BACH1: variants seen among roughly 807,000 people sequenced by gnomAD.
The protein encoded by BACH1 is BTB domain and CNC homolog 1.
Under a neutral mutation model 52.9 loss-of-function variants are expected in BACH1, and 35 were observed. That is an observed-to-expected ratio of 0.66 (90% CI 0.51 to 0.88). BACH1 has a LOEUF of 0.88. Among genes scored for constraint, BACH1 ranks in the 40% least tolerant of loss-of-function variants. BACH1 has a pLI of 0.00. For missense variants in BACH1, 808 were observed against 872.6 expected (o/e 0.93, Z 0.93); for synonymous variants, 321 against 319.6 (o/e 1.00, Z -0.05).
chr21:29,324,556 TTGTGTG>T (rs59785894), intron 2 of BACH1, among the ~76,000 whole-genome samples: 16,959 of 145,026 alleles, frequency 0.12, 1,232 homozygotes, highest in East Asian at 0.33. Context: ...TGGATGTACC[TTGTGTG>T]TGTGTGTGTG....
intron 1 of BACH1, among the ~76,000 whole-genome samples, chr21:29,309,430 A>G (rs574459717): frequency 6.6e-5 from 10 of 152,240 alleles, no homozygotes; most frequent in South Asian, 2.1e-4. Flanking sequence ...AGTTTTACCT[A>G]TTCTTCCCCC....
intron 2 of BACH1, 69 bp from the exon 3 acceptor site, chr21:29,325,990 A>G (rs1484895540): frequency 2.8e-6 from 4 of 1,417,814 alleles, no homozygotes; most frequent in Non-Finnish European, 2.8e-6. Flanking sequence ...TTCCTCTTCT[A>G]CTTATTTTGT....
intron 4 of BACH1, among the ~76,000 whole-genome samples, chr21:29,340,997 T>A (rs2089105887): frequency 6.6e-6 from 1 of 151,564 alleles, no homozygotes; most frequent in African/African-American, 2.4e-5. Flanking sequence ...AGAACTTGTA[T>A]ATAAAAATCT....
In BACH1 at chr21:29,344,637, TGTGTG is replaced by T. The variant is rs2089150081; in HGVS notation, c.*1805_*1809del. On this transcript the variant is annotated 3_prime_UTR_variant, in exon 5 of 5. Coordinates refer to ENST00000286800, the MANE Select transcript of BACH1 (RefSeq NM_001186.4). The stretch of plus-strand genomic sequence containing the variant: ...GCATCCCATACTGCAAAAGAATTTG[TGTGTG>T]TGTGTGTGTGTGTGTGTGTGTGTGT... The T allele has an allele frequency of 1.4e-4, 2 of 14,140 alleles. No homozygotes were observed. Among genetic ancestry groups the T allele is most frequent in the South Asian group, 2.2e-3 (1 of 452 alleles). The allele number at this position is 14,140 out of a possible 1,614,324, so 0.9% of individuals were successfully genotyped here.
At chr21:29,324,556 TTGTGTGTGTGTGTGTGTGTG>T (rs59785894) in intron 2 of BACH1, among the ~76,000 whole-genome samples, 34 of 145,134 alleles carry the variant, frequency 2.3e-4, no homozygotes, top group Admixed American at 5.5e-4. Flanking sequence ...TGGATGTACC[TTGTGTGTGTGTGTGTGTGTG>T]TGTGTGTGTG....
chr21:29,317,472 G>A (rs2088800775), intron 1 of BACH1, among the ~76,000 whole-genome samples: 2 of 152,202 alleles, frequency 1.3e-5, no homozygotes, highest in Admixed American at 6.5e-5. Context: ...TGGCCACAGT[G>A]TATGTGGAGG....
In BACH1 at chr21:29,327,139, GGTATC is replaced by G; in HGVS notation, c.1316_1320del (p.Gly439GlufsTer3). 2 of 1,614,244 alleles carry G rather than the reference GGTATC, an allele frequency of 1.2e-6. No individual in the cohort carries two copies. The highest frequency in any genetic ancestry group is 1.7e-6 in the Non-Finnish European group (2 of 1,180,048). On this transcript the variant is annotated frameshift_variant, in exon 3 of 5. Coordinates refer to ENST00000286800, the MANE Select transcript of BACH1 (RefSeq NM_001186.4). LOFTEE classifies it high-confidence loss of function. Reference sequence around the variant, plus strand: ...GAAACGGTCTGAGTGTCCGTGGTTAGGTATCAGGATTAGTGAGAGCCCAGAACCAG... The same window carrying G: ...GAAACGGTCTGAGTGTCCGTGGTTAGAGGATTAGTGAGAGCCCAGAACCAG...
Position 29,342,780 on chromosome 21 carries a change from G to A in BACH1, c.2158G>A (p.Gly720Arg), listed in dbSNP as rs1269749900. 1 of 1,611,788 alleles carries A rather than the reference G, an allele frequency of 6.2e-7. No homozygotes were observed. Among genetic ancestry groups the A allele is most frequent in the African/African-American group, 1.3e-5 (1 of 74,958 alleles). ...TGCGGAACAGTGTCGTCAGAGTGGTGGGATCTCAGATTTCTGTCAGCAGAT... is the reference window on the plus strand; with the variant it reads ...TGCGGAACAGTGTCGTCAGAGTGGTAGGATCTCAGATTTCTGTCAGCAGAT... ...GPAEQCRQSG[G>R]ISDFCQQMTD... Residue 720 changes from glycine to arginine, a missense_variant, in exon 5 of 5, where the codon GGG (glycine) becomes AGG (arginine). By Grantham distance (125) the Gly-to-Arg change is moderately radical. Transcript: ENST00000286800.
chr21:29,339,949 T>C (rs2089092633), intron 4 of BACH1, among the ~76,000 whole-genome samples: 1 of 152,228 alleles, frequency 6.6e-6, no homozygotes, highest in Admixed American at 6.5e-5. Flanking sequence ...AAAGATTTTT[T>C]GTTGGTATAA....
At chr21:29,327,510 A>T in intron 3 of BACH1, 117 bp downstream of exon 3, 1 of 1,362,934 alleles carries the variant, frequency 7.3e-7, no homozygotes, top group South Asian at 1.4e-5. Context: ...TGGGGAGGAA[A>T]CTCATACAAA....
chr21:29,313,826 A>G (rs2088756341), intron 1 of BACH1, among the ~76,000 whole-genome samples: 1 of 152,204 alleles, frequency 6.6e-6, no homozygotes, highest in Non-Finnish European at 1.5e-5. Flanking sequence ...GTACATGTCA[A>G]TGCCCTTGGA....
At chr21:29,305,771 A>G (rs868618750) in intron 1 of BACH1, among the ~76,000 whole-genome samples, 5 of 152,338 alleles carry the variant, frequency 3.3e-5, no homozygotes, top group Non-Finnish European at 7.4e-5. Flanking sequence ...CTTTCAGTGT[A>G]TGTGGACAGT....
At chr21:29,348,414 G>A (rs956253997), downstream of BACH1, among the ~76,000 whole-genome samples, 10 of 151,958 alleles carry the variant, frequency 6.6e-5, no homozygotes, top group Non-Finnish European at 1.0e-4. Flanking sequence ...TGCTCCCACA[G>A]CTCAGTACCT....
At chr21:29,348,924 C>G (rs1223693388), downstream of BACH1, among the ~76,000 whole-genome samples, 1 of 152,008 alleles carries the variant, frequency 6.6e-6, no homozygotes, top group Admixed American at 6.6e-5. Context: ...GAAACCCCAT[C>G]TCTACTAAAA....
intron 2 of BACH1, among the ~76,000 whole-genome samples, chr21:29,323,339 C>T (rs1454491566): frequency 6.6e-6 from 1 of 152,064 alleles, no homozygotes; most frequent in Admixed American, 6.5e-5. Flanking sequence ...CCAAAGGCCT[C>T]AAAAGTAGGG....
At chr21:29,352,490 A>ACT (rs2089208838) in intron 2 of BACH1, 2 of 152,168 alleles carry the variant, frequency 1.3e-5, no homozygotes, top group Non-Finnish European at 2.9e-5. Flanking sequence ...TAGCAAAGTA[A>ACT]GACTGACTCA....
intron 2 of BACH1, chr21:29,351,635 G>A (rs1441967415): frequency 5.6e-6 from 3 of 534,726 alleles, no homozygotes; most frequent in Non-Finnish European, 1.2e-5. Context: ...CTGTTTCAGG[G>A]TTCTGTGGAA....
chr21:29,354,124 A>T, intron 2 of BACH1, among the ~76,000 whole-genome samples: 1 of 152,224 alleles, frequency 6.6e-6, no homozygotes, highest in East Asian at 1.9e-4. Flanking sequence ...AGGCAATTGC[A>T]TATGCAAAGG....
At chr21:29,314,375 T>G (rs976385618) in intron 1 of BACH1, among the ~76,000 whole-genome samples, 2 of 152,208 alleles carry the variant, frequency 1.3e-5, no homozygotes, top group Non-Finnish European at 2.9e-5. Flanking sequence ...AGTCTATAAC[T>G]TTAACAAACT....
Sources: gnomAD v4.1 joint callset for allele counts (sites outside exome capture counted in the v4.1 genomes callset) on GRCh38, gnomAD v4.1.1 for gene constraint, MANE v1.5 for transcripts, NCBI Gene and HGNC (gene_info 2026-07-23, HGNC 2026-07-21) for gene names.